Variants in SLC28A3 observed in about 807,000 individuals in gnomAD.
SLC28A3 encodes concentrative Na(+)-nucleoside cotransporter 3.
Under a neutral mutation model 84.2 loss-of-function variants are expected in SLC28A3, and 68 were observed. The observed-to-expected ratio is 0.81, with a 90% CI of 0.66 to 0.99. SLC28A3 has a LOEUF of 0.99. SLC28A3 is among the 50% of genes least tolerant of loss of function. The probability of loss-of-function intolerance (pLI) is 0.00; values close to 1 mark genes in which losing one functional copy is unlikely to be tolerated. For missense variants in SLC28A3, 712 were observed against 841.5 expected, an observed-to-expected ratio of 0.85 and a Z score of 1.90; for synonymous variants, 267 against 303.6, an observed-to-expected ratio of 0.88 and a Z score of 1.25.
intron 8 of SLC28A3, 141 bp downstream of exon 8, chr9:84,297,080 G>A (rs574513883): frequency 9.7e-5 from 56 of 576,454 alleles, no homozygotes; most frequent in Non-Finnish European, 1.6e-4. Flanking sequence ...CAGTGGAAAA[G>A]AGCAGTGATG....
the SLC28A3 span, among the ~76,000 whole-genome samples, chr9:84,354,801 C>T: frequency 6.3e-4 from 95 of 151,070 alleles, no homozygotes; most frequent in Middle Eastern, 0.014. Flanking sequence ...GAGTCTAGAT[C>T]GTGCCACTGC....
At chr9:84,292,475 G>GTCTC (rs57280644) in intron 10 of SLC28A3, 193 bp downstream of exon 10, 12,456 of 376,030 alleles carry the variant, frequency 0.033, 343 homozygotes, top group East Asian at 0.26. Flanking sequence ...CTCTCTCTCT[G>GTCTC]TCTCTCTCTC....
At chr9:84,349,428 G>C in the SLC28A3 span, among the ~76,000 whole-genome samples, 41 of 152,274 alleles carry the variant, frequency 2.7e-4, 1 homozygote, top group East Asian at 5.4e-3. Context: ...GTAGAGACGG[G>C]GTTTCACCAT....
chr9:84,362,658 T>TAAG, the SLC28A3 span, among the ~76,000 whole-genome samples: 3 of 134,008 alleles, frequency 2.2e-5, no homozygotes, highest in African/African-American at 7.9e-5. Context: ...AATAAATAAG[T>TAAG]TAATAAATAA....
At chr9:84,351,907 T>C in the SLC28A3 span, among the ~76,000 whole-genome samples, 2 of 151,316 alleles carry the variant, frequency 1.3e-5, no homozygotes, top group Admixed American at 1.3e-4. Context: ...TGTAAATGTA[T>C]ATGAGTATGA....
chr9:84,284,040 C>A (rs1824877060), intron 14 of SLC28A3, among the ~76,000 whole-genome samples: 1 of 152,210 alleles, frequency 6.6e-6, no homozygotes, highest in Admixed American at 6.5e-5. Context: ...TCAATCAGCT[C>A]TACTGTTCTG....
chr9:84,288,889 G>A (rs1825102403), intron 11 of SLC28A3, among the ~76,000 whole-genome samples: 1 of 152,134 alleles, frequency 6.6e-6, no homozygotes, highest in South Asian at 2.1e-4. Flanking sequence ...GGGATGGGGA[G>A]TGGAGAAGGG....
chr9:84,329,537 A>G (rs1206802321), intron 1 of SLC28A3, among the ~76,000 whole-genome samples: 2 of 152,200 alleles, frequency 1.3e-5, no homozygotes, highest in Admixed American at 1.3e-4. Flanking sequence ...AATTTGGGGA[A>G]AACTTATAAA....
the SLC28A3 span, among the ~76,000 whole-genome samples, chr9:84,355,418 A>G: frequency 6.6e-6 from 1 of 152,106 alleles, no homozygotes; most frequent in African/African-American, 2.4e-5. Context: ...AGCCTGGGTG[A>G]TGGGGTGAGA....
chr9:84,349,501 T>G, the SLC28A3 span, among the ~76,000 whole-genome samples: 1 of 152,342 alleles, frequency 6.6e-6, no homozygotes, highest in East Asian at 1.9e-4. Flanking sequence ...CCTCCCAAAA[T>G]GTTGGGATTA....
chr9:84,305,277 A>T lies in SLC28A3; in HGVS notation c.311T>A (p.Ile104Asn). ...CRKHKTTLRH[I>N]IWGILLAGYL... ...ACCTGCTAATAAAATGCCCCAGATG[A>T]TGTGCCGAAGAGTTGTTTTGTGTTT... The change falls in exon 4 of 18, where the codon ATC becomes AAC. Residue 104 changes from isoleucine (I) to asparagine (N), a missense_variant. Physicochemically the swap from Ile to Asn is moderately radical, Grantham distance 149. Transcript: ENST00000376238. 1 of 1,613,396 alleles carries T rather than the reference A, an allele frequency of 6.2e-7. No homozygotes were observed. The highest frequency in any genetic ancestry group is 2.2e-5 in the East Asian group (1 of 44,846).
chr9:84,354,762 G>A, the SLC28A3 span, among the ~76,000 whole-genome samples: 5 of 151,958 alleles, frequency 3.3e-5, no homozygotes, highest in African/African-American at 1.2e-4. Context: ...TGGGAGGATC[G>A]CTTGAGCCCA....
At position 84,340,703 on chromosome 9, in the gene SLC28A3, T is replaced by A; in HGVS notation, c.-70A>T. The A allele has an allele frequency of 6.3e-7, 1 of 1,587,550 alleles. No individual in the cohort carries two copies. Among genetic ancestry groups the A allele is most frequent in the South Asian group, 1.1e-5 (1 of 90,212 alleles). ...CCTGGGAAAAAGCACCAGTCTCTGC[T>A]GATGTCAGAAAGCCACCTGCTGTTA... On this transcript the variant is annotated 5_prime_UTR_variant, in exon 1 of 18. Transcript: ENST00000376238.
At chr9:84,296,814 G>A (rs1184435762) in intron 8 of SLC28A3, among the ~76,000 whole-genome samples, 3 of 152,202 alleles carry the variant, frequency 2.0e-5, no homozygotes, top group African/African-American at 7.2e-5. Flanking sequence ...AGGGGCTTTC[G>A]AATACAGAGC....
chr9:84,305,796 T>C (rs4242626), intron 3 of SLC28A3, among the ~76,000 whole-genome samples: 68,824 of 152,080 alleles, frequency 0.45, 18,442 homozygotes, highest in African/African-American at 0.73. Context: ...AAGTTGGTGG[T>C]GCTCTGTCCC....
the SLC28A3 span, among the ~76,000 whole-genome samples, chr9:84,353,264 G>C: frequency 1.3e-5 from 2 of 152,150 alleles, no homozygotes; most frequent in African/African-American, 4.8e-5. Flanking sequence ...CATATTTTAA[G>C]CCTCACTCAC....
At chr9:84,359,340 A>G in the SLC28A3 span, among the ~76,000 whole-genome samples, 2 of 152,234 alleles carry the variant, frequency 1.3e-5, no homozygotes, top group Admixed American at 6.5e-5. Context: ...TCTTATAGAA[A>G]TACACAAATC....
At chr9:84,333,825 A>G (rs1347264791) in intron 1 of SLC28A3, among the ~76,000 whole-genome samples, 1 of 151,958 alleles carries the variant, frequency 6.6e-6, no homozygotes, top group Non-Finnish European at 1.5e-5. Context: ...TATTACAGAT[A>G]CTCCCCCTGG....
At chr9:84,359,063 TA>T in the SLC28A3 span, among the ~76,000 whole-genome samples, 1 of 152,166 alleles carries the variant, frequency 6.6e-6, no homozygotes, top group Non-Finnish European at 1.5e-5. Flanking sequence ...CTCCGCCTCC[TA>T]AAGTGCTGGA....
Sources: allele counts gnomAD v4.1 joint callset (sites outside exome capture counted in the v4.1 genomes callset), GRCh38; gene constraint gnomAD v4.1.1; transcripts MANE v1.5; gene names NCBI Gene and HGNC (gene_info 2026-07-23, HGNC 2026-07-21).